The following SYT2 variants were observed in gnomAD, a reference collection of about 807,000 sequenced individuals.
SYT2 encodes the protein synaptotagmin 2.
SYT2 carries 15 observed loss-of-function variants against 39.9 expected under a neutral mutation model. That is an observed-to-expected ratio of 0.38 (90% confidence interval 0.25 to 0.58). SYT2 has a LOEUF of 0.58. Ranked by LOEUF, SYT2 falls within the 20% of genes least tolerant of loss-of-function variation. The pLI is 0.70. For synonymous variants in SYT2, 181 were observed against 204.5 expected (o/e 0.89, Z 0.98); for missense variants, 389 against 530.3 (o/e 0.73, Z 2.62).
At chr1:202,646,232 C>T (rs527740690) in intron 1 of SYT2, among the ~76,000 whole-genome samples, 57 of 152,358 alleles carry the variant, frequency 3.7e-4, no homozygotes, top group African/African-American at 1.3e-3. Context: ...CCAGCTTCAC[C>T]TGGCACTGCC....
intron 1 of SYT2, among the ~76,000 whole-genome samples, chr1:202,661,656 C>T (rs974686484): frequency 2.0e-5 from 3 of 152,146 alleles, no homozygotes; most frequent in Non-Finnish European, 2.9e-5. Flanking sequence ...CTGCCAACTC[C>T]GGTCTCTGCT....
intron 1 of SYT2, among the ~76,000 whole-genome samples, chr1:202,631,677 G>A (rs922762729): frequency 6.6e-6 from 1 of 152,154 alleles, no homozygotes; most frequent in African/African-American, 2.4e-5. Flanking sequence ...CTCTCTTCAT[G>A]TGGGAGAATA....
chr1:202,600,608 T>C, intron 6 of SYT2, 134 bp from the exon 7 acceptor site: 1 of 727,020 alleles, frequency 1.4e-6, no homozygotes, highest in Non-Finnish European at 2.4e-6. Context: ...CCCATATATG[T>C]GATGGCCGAG....
intron 8 of SYT2, 126 bp from the exon 9 acceptor site, chr1:202,597,089 A>C: frequency 1.3e-6 from 1 of 764,872 alleles, no homozygotes; most frequent in Non-Finnish European, 2.1e-6. Flanking sequence ...CCTTGGTTTC[A>C]TCTCTGCTCC....
rs1381211811 is a variant in SYT2, at chr1:202,599,549, G to A, written c.920-198C>T. Reference sequence around the variant, plus strand: ...TCACCTCCAGGACCAACTGTGACCAGTTGGTTGTGGCTTCCTGAAGCATTG... The same window carrying A: ...TCACCTCCAGGACCAACTGTGACCAATTGGTTGTGGCTTCCTGAAGCATTG... On this transcript the variant is annotated intron_variant, in intron 7 of 8. Coordinates refer to ENST00000367268, the MANE Select transcript of SYT2 (RefSeq NM_177402.5). This position sits in a 1 kb window ranked among gnomAD's most constrained non-coding sequence, Gnocchi z 4.4. 6.6e-6 allele frequency among the ~76,000 whole-genome samples: 1 copy of A among 152,152 alleles called. No homozygotes were observed. Among genetic ancestry groups the A allele is most frequent in the Non-Finnish European group, 1.5e-5 (1 of 68,028 alleles).
intron 1 of SYT2, among the ~76,000 whole-genome samples, chr1:202,665,587 C>A (rs1692467012): frequency 6.6e-6 from 1 of 152,158 alleles, no homozygotes. Context: ...GCTGCGACAT[C>A]CTACAAGGCC....
chr1:202,670,431 G>A lies in SYT2; in HGVS notation c.-18+39827C>T, dbSNP rs1315817621. 2.0e-5 allele frequency among the ~76,000 whole-genome samples: 3 copies of A among 152,312 alleles called. No homozygotes were observed. The East Asian group carries it at 5.8e-4, about 29-fold the overall frequency. ...CTGAAAACTGTGGTGGGGCTTCTGAGGTTCCAAGGAGCTGAAGAGCCACAG... is the reference window on the plus strand; with the variant it reads ...CTGAAAACTGTGGTGGGGCTTCTGAAGTTCCAAGGAGCTGAAGAGCCACAG... On this transcript the variant is annotated intron_variant, in intron 1 of 8. Transcript: ENST00000367268.
At chr1:202,658,675 G>GTTTT (rs35321422) in intron 1 of SYT2, among the ~76,000 whole-genome samples, 2 of 146,674 alleles carry the variant, frequency 1.4e-5, no homozygotes, top group Admixed American at 6.8e-5. Context: ...TTTTTTATTA[G>GTTTT]TTTTTTTTTT....
chr1:202,666,838 C>T (rs1275079170), intron 1 of SYT2, among the ~76,000 whole-genome samples: 6 of 152,232 alleles, frequency 3.9e-5, no homozygotes, highest in East Asian at 1.9e-4. Context: ...AAAAATTAGC[C>T]GGGTGTGATG....
chr1:202,629,459 A>T (rs1357300730), intron 1 of SYT2, among the ~76,000 whole-genome samples: 1 of 152,178 alleles, frequency 6.6e-6, no homozygotes, highest in Non-Finnish European at 1.5e-5. Flanking sequence ...GTGGGTATCA[A>T]GTTCTCATTT....
chr1:202,658,937 C>A (rs1031033598), intron 1 of SYT2, among the ~76,000 whole-genome samples: 8 of 152,124 alleles, frequency 5.3e-5, no homozygotes, highest in African/African-American at 1.9e-4. Flanking sequence ...TAAATGCTTG[C>A]CAGATTGGAG....
chr1:202,693,062 G>A (rs976596959), intron 1 of SYT2, among the ~76,000 whole-genome samples: 9 of 152,174 alleles, frequency 5.9e-5, no homozygotes, highest in African/African-American at 2.2e-4. Context: ...CTTCAGTGGT[G>A]ATTACTGAGA....
chr1:202,699,776 T>C (rs930313151), intron 1 of SYT2, among the ~76,000 whole-genome samples: 5 of 152,056 alleles, frequency 3.3e-5, no homozygotes, highest in Admixed American at 6.6e-5. Flanking sequence ...GAACATTTGC[T>C]GAGGTCCTGC....
chr1:202,647,319 G>A (rs1272534139), intron 1 of SYT2, among the ~76,000 whole-genome samples: 2 of 152,212 alleles, frequency 1.3e-5, no homozygotes, highest in Non-Finnish European at 2.9e-5. Flanking sequence ...GGCCCGTAGA[G>A]GGAAGGGTCA....
chr1:202,686,065 T>C (rs948002102), intron 1 of SYT2, among the ~76,000 whole-genome samples: 2 of 152,190 alleles, frequency 1.3e-5, no homozygotes, highest in Non-Finnish European at 2.9e-5. Context: ...GGTTTGGATA[T>C]CTGTCCCACT....
In SYT2 at chr1:202,623,296, C is replaced by G. The variant is rs1376228462; in HGVS notation, c.-17-17507G>C. On this transcript the variant is annotated intron_variant, in intron 1 of 8. Coordinates refer to ENST00000367268, the MANE Select transcript of SYT2 (RefSeq NM_177402.5). The surrounding 1 kb of genome is among the most constrained non-coding windows in gnomAD (Gnocchi z 4.2). ...GCGCACTCTAGCCAAGACGGAGAAG[C>G]TGCTGAGTCACAGTCCAGCCGCCTG... 1.3e-5 allele frequency among the ~76,000 whole-genome samples: 2 copies of G among 152,248 alleles called. No homozygotes were observed. Among genetic ancestry groups the G allele is most frequent in the African/African-American group, 4.8e-5 (2 of 41,464 alleles).
chr1:202,634,712 A>G (rs1269217007), intron 1 of SYT2, among the ~76,000 whole-genome samples: 1 of 152,242 alleles, frequency 6.6e-6, no homozygotes, highest in African/African-American at 2.4e-5. Flanking sequence ...AAAGAAATAA[A>G]GTATCGATAC....
chr1:202,613,272 G>T (rs1690940474), intron 1 of SYT2, among the ~76,000 whole-genome samples: 1 of 151,682 alleles, frequency 6.6e-6, no homozygotes, highest in South Asian at 2.1e-4. Flanking sequence ...GTAGAGACGG[G>T]GTTCCACCAT....
intron 6 of SYT2, among the ~76,000 whole-genome samples, 200 bp from the exon 7 acceptor site, chr1:202,600,674 G>T (rs1690468926): frequency 6.6e-6 from 1 of 152,236 alleles, no homozygotes; most frequent in Non-Finnish European, 1.5e-5. Context: ...CAAAGTCCCT[G>T]AAAGTGACAG....
Sources: gnomAD v4.1 joint callset for allele counts (sites outside exome capture counted in the v4.1 genomes callset) on GRCh38, gnomAD v4.1.1 for gene constraint, Gnocchi (gnomAD v3.1) non-coding constraint, MANE v1.5 for transcripts, NCBI Gene and HGNC (gene_info 2026-07-23, HGNC 2026-07-21) for gene names.